Variants in SPTBN1 observed in about 807,000 individuals in gnomAD.
SPTBN1 encodes the protein spectrin beta, non-erythrocytic 1, also known as spectrin beta chain, non-erythrocytic 1.
In SPTBN1, 32 loss-of-function variants were observed where a neutral mutation model predicts 266.4. The observed-to-expected ratio is 0.12, with a 90% CI of 0.09 to 0.16. The LOEUF is 0.16. Among genes scored for constraint, SPTBN1 ranks in the 10% least tolerant of loss-of-function variants. SPTBN1 has a pLI of 1.00. For missense variants in SPTBN1, 2,296 were observed against 3,067.1 expected, an observed-to-expected ratio of 0.75 and a Z score of 5.94; for synonymous variants, 1,336 against 1,162.2, an observed-to-expected ratio of 1.15 and a Z score of -3.04.
At chr2:54,556,636 C>T (rs867345141) in intron 2 of SPTBN1, among the ~76,000 whole-genome samples, 5 of 145,776 alleles carry the variant, frequency 3.4e-5, no homozygotes, top group Admixed American at 6.9e-5. Context: ...TTCATTGAGA[C>T]GGTTCCCAAT....
rs1678515144 is a variant in SPTBN1 at position 54,628,656 on chromosome 2, G to A, written c.1799-277G>A. Among the ~76,000 whole-genome samples, 1 of 152,182 alleles carries A rather than the reference G, an allele frequency of 6.6e-6. No homozygotes were observed. Among genetic ancestry groups the A allele is most frequent in the Non-Finnish European group, 1.5e-5 (1 of 68,034 alleles). ...GTATTTCTAGAAACAATTATATGCA[G>A]CTGCCTTTTTCATATGATTCAAGTG... On this transcript the variant is annotated intron_variant, in intron 13 of 35. Coordinates refer to ENST00000356805, the MANE Select transcript of SPTBN1 (RefSeq NM_003128.3). This position sits in a 1 kb window ranked among gnomAD's most constrained non-coding sequence, Gnocchi z 4.3.
intron 35 of SPTBN1, 30 bp from the exon 36 acceptor site, chr2:54,668,321 A>T: frequency 6.2e-7 from 1 of 1,609,022 alleles, no homozygotes; most frequent in Non-Finnish European, 8.5e-7. Flanking sequence ...CTCTTAGTTG[A>T]GTCTCACCTG....
Position 54,628,437 on chromosome 2 carries a change from C to T in SPTBN1, c.1798+187C>T, listed in dbSNP as rs78373553. Among the ~76,000 whole-genome samples the T allele has an allele frequency of 4.3e-4, 66 of 152,276 alleles. 1 individual carries two copies. The East Asian group carries it at 0.012, about 29-fold the overall frequency. The stretch of plus-strand genomic sequence containing the variant: ...TCTTGTTTTTCTGGAATTGATACAT[C>T]CTTTCCTTAAATACGCAAATGCTGC... On this transcript the variant is annotated intron_variant, in intron 13 of 35. Coordinates refer to ENST00000356805, the MANE Select transcript of SPTBN1 (RefSeq NM_003128.3). The surrounding 1 kb of genome is among the most constrained non-coding windows in gnomAD (Gnocchi z 4.3).
chr2:54,528,344 T>C (rs902518170), intron 2 of SPTBN1: 1 of 152,662 alleles, frequency 6.6e-6, no homozygotes, highest in Non-Finnish European at 1.5e-5. Context: ...CCTTGTTCTT[T>C]GCATGTGGTC....
At chr2:54,573,189 A>C (rs1674211313) in intron 2 of SPTBN1, among the ~76,000 whole-genome samples, 1 of 152,164 alleles carries the variant, frequency 6.6e-6, no homozygotes, top group Non-Finnish European at 1.5e-5. Context: ...TGGAAGAGGA[A>C]AGTGATGCAC....
At chr2:54,497,524 T>C (rs1367663839) in intron 1 of SPTBN1, among the ~76,000 whole-genome samples, 1 of 152,198 alleles carries the variant, frequency 6.6e-6, no homozygotes, top group Non-Finnish European at 1.5e-5. Flanking sequence ...TGGTGAAACA[T>C]TTGAATTCAC....
Position 54,646,342 on chromosome 2 carries a change from T to G in SPTBN1, c.4733T>G (p.Ile1578Ser), listed in dbSNP as rs879115004. The G allele has an allele frequency of 1.2e-6, 2 of 1,614,016 alleles. No homozygotes were observed. Among genetic ancestry groups the G allele is most frequent in the Non-Finnish European group, 1.7e-6 (2 of 1,179,950 alleles). The change falls in exon 23 of 36, where the codon ATT becomes AGT. Residue 1578 changes from isoleucine to serine, a missense_variant. Coordinates refer to ENST00000356805, the MANE Select transcript of SPTBN1 (RefSeq NM_003128.3). The surrounding 1 kb of genome is among the most constrained non-coding windows in gnomAD (Gnocchi z 4.4). Reference protein sequence around the residue: ...ADLKQLWGLLIEETEKRHRRL... With the variant: ...ADLKQLWGLLSEETEKRHRRL... Reference sequence around the variant, plus strand: ...CTGAAGCAGCTGTGGGGTCTCCTCATTGAGGAGACAGAGAAACGCCACAGG... The same window carrying G: ...CTGAAGCAGCTGTGGGGTCTCCTCAGTGAGGAGACAGAGAAACGCCACAGG...
intron 1 of SPTBN1, among the ~76,000 whole-genome samples, chr2:54,474,135 A>G (rs1051591574): frequency 6.6e-6 from 1 of 152,242 alleles, no homozygotes; most frequent in African/African-American, 2.4e-5. Flanking sequence ...TAGCCATTTT[A>G]GATGTTTCTA....
chr2:54,612,373 G>T (rs770792777), intron 4 of SPTBN1, 39 bp downstream of exon 4: 1 of 1,574,276 alleles, frequency 6.4e-7, no homozygotes, highest in South Asian at 1.2e-5. Flanking sequence ...AACTTAGGCC[G>T]ACCTCTCAGG....
chr2:54,505,003 A>G (rs563897549), intron 1 of SPTBN1, among the ~76,000 whole-genome samples: 15 of 152,320 alleles, frequency 9.8e-5, no homozygotes, highest in Admixed American at 5.9e-4. Flanking sequence ...ATAGAGTGCA[A>G]ATATTTTCTT....
chr2:54,634,598 A>G (rs1373662050), intron 17 of SPTBN1, among the ~76,000 whole-genome samples: 2 of 152,200 alleles, frequency 1.3e-5, no homozygotes, highest in Admixed American at 1.3e-4. Context: ...CTGACCCTAG[A>G]GGGTACTTGT....
intron 2 of SPTBN1, among the ~76,000 whole-genome samples, chr2:54,565,917 A>T (rs1673627988): frequency 6.6e-6 from 1 of 152,270 alleles, no homozygotes; most frequent in Non-Finnish European, 1.5e-5. Context: ...AATATAGTAC[A>T]GCAATTCAAG....
intron 2 of SPTBN1, among the ~76,000 whole-genome samples, chr2:54,586,870 T>C (rs1215876466): frequency 2.0e-5 from 3 of 152,162 alleles, no homozygotes; most frequent in African/African-American, 2.4e-5. Flanking sequence ...TGCAAAAACA[T>C]TGAGGTAGAG....
At chr2:54,523,387 T>G (rs1274108803) in intron 1 of SPTBN1, among the ~76,000 whole-genome samples, 2 of 152,200 alleles carry the variant, frequency 1.3e-5, no homozygotes, top group African/African-American at 4.8e-5. Flanking sequence ...GGGTGACAGT[T>G]TGAGTCACAG....
intron 1 of SPTBN1, among the ~76,000 whole-genome samples, chr2:54,526,038 T>C (rs1670795459): frequency 6.6e-6 from 1 of 152,244 alleles, no homozygotes; most frequent in African/African-American, 2.4e-5. Flanking sequence ...GGCCCTCTGA[T>C]AACATTTTTA....
chr2:54,664,841 G>A lies in SPTBN1; in HGVS notation c.6659+150G>A, dbSNP rs1051787272. ...GACATTGCATTCTTCTTGGGCTGAC[G>A]CTGGAAAGCAGGAGTAGAATGCTGG... On this transcript the variant is annotated intron_variant, in intron 33 of 35. Coordinates refer to ENST00000356805, the MANE Select transcript of SPTBN1 (RefSeq NM_003128.3). The surrounding 1 kb of genome is among the most constrained non-coding windows in gnomAD (Gnocchi z 5.6). The A allele has an allele frequency of 5.0e-6, 4 of 795,320 alleles. No individual in the cohort carries two copies. The highest frequency in any genetic ancestry group is 2.9e-5 in the Admixed American group (1 of 34,908). The allele number at this position is 795,320 out of a possible 1,614,324, so 49.3% of individuals were successfully genotyped here. A position where few individuals can be genotyped will look rare whatever the true frequency, so the allele number is the denominator to read the frequency against.
intron 4 of SPTBN1, among the ~76,000 whole-genome samples, chr2:54,615,697 A>G (rs546652901): frequency 6.6e-6 from 1 of 152,312 alleles, no homozygotes; most frequent in African/African-American, 2.4e-5. Flanking sequence ...CTTTGTGTAT[A>G]ATGTTGCAAA....
At chr2:54,497,943 G>A (rs191039170) in intron 1 of SPTBN1, among the ~76,000 whole-genome samples, 1 of 152,120 alleles carries the variant, frequency 6.6e-6, no homozygotes, top group Non-Finnish European at 1.5e-5. Context: ...ATCCTGCCAG[G>A]AGAAGAGTAG....
chr2:54,518,468 AAG>A (rs1553438434), intron 1 of SPTBN1, among the ~76,000 whole-genome samples: 2 of 151,448 alleles, frequency 1.3e-5, no homozygotes, highest in African/African-American at 2.4e-5. Flanking sequence ...AAAAAAAAAA[AAG>A]AAACAGTGGT....
Sources: allele counts gnomAD v4.1 joint callset (sites outside exome capture counted in the v4.1 genomes callset), GRCh38; gene constraint gnomAD v4.1.1; non-coding constraint Gnocchi (gnomAD v3.1); transcripts MANE v1.5; gene names NCBI Gene and HGNC (gene_info 2026-07-23, HGNC 2026-07-21).